KHDRBS3: variants seen among roughly 807,000 people sequenced by gnomAD.
The protein encoded by KHDRBS3 is KH domain-containing, RNA-binding, signal transduction-associated protein 3.
Under a neutral mutation model 45.6 loss-of-function variants are expected in KHDRBS3, and 23 were observed. The observed-to-expected ratio is 0.50, with a 90% confidence interval of 0.36 to 0.72. The LOEUF is 0.72. Ranked by LOEUF, KHDRBS3 falls within the 30% of genes least tolerant of loss-of-function variation. KHDRBS3 has a pLI of 0.00. For synonymous variants in KHDRBS3, 162 were observed against 156.5 expected (o/e 1.04, Z -0.26); for missense variants, 352 against 424.8 (o/e 0.83, Z 1.51).
chr8:135,576,673 A>C (rs1448448164), intron 5 of KHDRBS3, among the ~76,000 whole-genome samples: 4 of 152,020 alleles, frequency 2.6e-5, no homozygotes, highest in African/African-American at 9.7e-5. Context: ...AAAATCAGTC[A>C]TTTCTCCAAG....
chr8:135,601,297 G>A (rs1339857799), intron 6 of KHDRBS3, among the ~76,000 whole-genome samples: 1 of 152,188 alleles, frequency 6.6e-6, no homozygotes, highest in African/African-American at 2.4e-5. Context: ...TATTCAGAAA[G>A]GTAGGTGAAG....
intron 6 of KHDRBS3, among the ~76,000 whole-genome samples, chr8:135,597,672 C>T (rs1443506071): frequency 6.6e-6 from 1 of 152,058 alleles, no homozygotes; most frequent in Non-Finnish European, 1.5e-5. Context: ...GCTATGTCCC[C>T]GGTGCTCAGC....
chr8:135,553,135 G>A (rs938686593), intron 4 of KHDRBS3, among the ~76,000 whole-genome samples: 6 of 152,084 alleles, frequency 3.9e-5, no homozygotes, highest in African/African-American at 1.4e-4. Context: ...CCAATTTCTG[G>A]CTAGCCTGGT....
intron 6 of KHDRBS3, among the ~76,000 whole-genome samples, chr8:135,592,216 A>G (rs1320304499): frequency 6.6e-6 from 1 of 152,160 alleles, no homozygotes; most frequent in Non-Finnish European, 1.5e-5. Context: ...GTTCAGATTT[A>G]AAATATATGA....
chr8:135,612,992 C>T (rs34798018), intron 7 of KHDRBS3, among the ~76,000 whole-genome samples: 31,021 of 151,698 alleles, frequency 0.2, 3,860 homozygotes, highest in Middle Eastern at 0.29. Flanking sequence ...TTCTCATAGA[C>T]AGCACTGAGT....
intron 2 of KHDRBS3, among the ~76,000 whole-genome samples, chr8:135,522,352 A>G (rs1254810016): frequency 6.6e-6 from 1 of 152,124 alleles, no homozygotes; most frequent in Admixed American, 6.5e-5. Flanking sequence ...CCTGTCATTG[A>G]TAGGGATTTG....
At chr8:135,573,306 G>GT (rs1295034247) in intron 5 of KHDRBS3, among the ~76,000 whole-genome samples, 1 of 152,228 alleles carries the variant, frequency 6.6e-6, no homozygotes, top group Non-Finnish European at 1.5e-5. Flanking sequence ...AAAAAATTTA[G>GT]TATGTGTTTA....
At chr8:135,516,498 A>G (rs1586646771) in intron 1 of KHDRBS3, among the ~76,000 whole-genome samples, 1 of 152,266 alleles carries the variant, frequency 6.6e-6, no homozygotes, top group Non-Finnish European at 1.5e-5. Flanking sequence ...TAATGTCGCT[A>G]CATGATGTAA....
At chr8:135,574,195 ACGT>A (rs1827845024) in intron 5 of KHDRBS3, among the ~76,000 whole-genome samples, 1 of 151,184 alleles carries the variant, frequency 6.6e-6, no homozygotes. Context: ...TCATGTTAGC[ACGT>A]CACCTCCATC....
chr8:135,608,248 T>A (rs4398958), intron 7 of KHDRBS3, among the ~76,000 whole-genome samples: 30,942 of 152,198 alleles, frequency 0.2, 3,694 homozygotes, highest in Middle Eastern at 0.28. Context: ...AAGTCAGATA[T>A]TCTAACTCAA....
chr8:135,596,156 A>G (rs1828963992), intron 6 of KHDRBS3, among the ~76,000 whole-genome samples: 1 of 152,224 alleles, frequency 6.6e-6, no homozygotes, highest in Non-Finnish European at 1.5e-5. Flanking sequence ...CATAGCTAGT[A>G]TCATTCTAGA....
chr8:135,487,554 C>T (rs191684947), intron 1 of KHDRBS3, among the ~76,000 whole-genome samples: 6 of 152,242 alleles, frequency 3.9e-5, no homozygotes, highest in Admixed American at 2.0e-4. Context: ...ATGGTGGAAG[C>T]GTGCCCCAAG....
At chr8:135,616,825 T>C (rs1829935913) in intron 7 of KHDRBS3, among the ~76,000 whole-genome samples, 1 of 152,224 alleles carries the variant, frequency 6.6e-6, no homozygotes, top group Non-Finnish European at 1.5e-5. Context: ...CTATGTTTCA[T>C]TCCTCGTGTT....
chr8:135,598,263 T>C (rs1829056929), intron 6 of KHDRBS3, among the ~76,000 whole-genome samples: 1 of 152,264 alleles, frequency 6.6e-6, no homozygotes, highest in Non-Finnish European at 1.5e-5. Flanking sequence ...GAATAGGTCT[T>C]CAGCTAAAAC....
chr8:135,556,456 GGTTT>G (rs138141240), intron 4 of KHDRBS3, among the ~76,000 whole-genome samples: 4,425 of 152,192 alleles, frequency 0.029, 200 homozygotes, highest in African/African-American at 0.098. Context: ...ATCTCATTGT[GGTTT>G]TGATTGCATT....
chr8:135,518,195 C>T lies in KHDRBS3; in HGVS notation c.89-3042C>T, dbSNP rs754835330. 2.1e-4 allele frequency among the ~76,000 whole-genome samples: 32 copies of T among 152,014 alleles called. No homozygotes were observed. The East Asian group carries it at 2.5e-3, about 12-fold the overall frequency. On this transcript the variant is annotated intron_variant, in intron 1 of 8. Transcript: ENST00000355849. ...TTTGTTGTTGTTGTTGTTTTTGAGA[C>T]GGGGTCTTGCTCTGCTGCCCAGGGT...
chr8:135,486,115 G>A (rs1266062972), intron 1 of KHDRBS3, among the ~76,000 whole-genome samples: 1 of 152,026 alleles, frequency 6.6e-6, no homozygotes, highest in Non-Finnish European at 1.5e-5. Context: ...TCCTCTTCAT[G>A]TGGTCTAATG....
intron 7 of KHDRBS3, among the ~76,000 whole-genome samples, chr8:135,617,528 T>G (rs1409687743): frequency 6.6e-6 from 1 of 152,158 alleles, no homozygotes; most frequent in Non-Finnish European, 1.5e-5. Context: ...TCTGCCTGCC[T>G]CAGCCTCCCA....
intron 5 of KHDRBS3, among the ~76,000 whole-genome samples, chr8:135,580,341 A>G: frequency 6.6e-6 from 1 of 152,142 alleles, no homozygotes; most frequent in East Asian, 1.9e-4. Flanking sequence ...TCATTCTTTA[A>G]TATTTGACAA....
Sources: allele counts gnomAD v4.1 joint callset (sites outside exome capture counted in the v4.1 genomes callset), GRCh38; gene constraint gnomAD v4.1.1; transcripts MANE v1.5; gene names NCBI Gene and HGNC (gene_info 2026-07-23, HGNC 2026-07-21).